SLC24A2: variants seen among roughly 807,000 people sequenced by gnomAD.
SLC24A2 encodes the protein solute carrier family 24 member 2, also known as sodium/potassium/calcium exchanger 2.
In SLC24A2, 36 loss-of-function variants were observed where a neutral mutation model predicts 62.0. The observed-to-expected ratio is 0.58, with a 90% CI of 0.44 to 0.77. The LOEUF (loss-of-function observed/expected upper bound fraction) is 0.77, where lower values mean the gene tolerates loss of function less well. Ranked by LOEUF, SLC24A2 falls within the 30% of genes least tolerant of loss-of-function variation. The probability of loss-of-function intolerance (pLI) is 0.00; values close to 1 mark genes in which losing one functional copy is unlikely to be tolerated. For synonymous variants in SLC24A2, 358 were observed against 294.0 expected, an observed-to-expected ratio of 1.22 and a Z score of -2.23; for missense variants, 846 against 817.9, an observed-to-expected ratio of 1.03 and a Z score of -0.42.
rs570986196 is a variant in SLC24A2 at position 19,535,207 on chromosome 9, G to T, written c.1480-7069C>A. On this transcript the variant is annotated intron_variant, in intron 8 of 10. Transcript: ENST00000341998. ...CCTTTGCCCACTTTTTGATGGGGTT[G>T]TTTTTTTCTTGTAAATTTAAGTTCT... is the stretch of plus-strand genomic sequence containing the variant. Among the ~76,000 whole-genome samples, 200 of 152,014 alleles carry T rather than the reference G, an allele frequency of 1.3e-3. 1 individual carries two copies. Among genetic ancestry groups the T allele is most frequent in the African/African-American group, 4.7e-3 (193 of 41,458 alleles).
chr9:19,721,457 G>C (rs1332241346), intron 2 of SLC24A2, among the ~76,000 whole-genome samples: 1 of 152,080 alleles, frequency 6.6e-6, no homozygotes, highest in East Asian at 1.9e-4. Flanking sequence ...CAAAAGAAGA[G>C]AAGACAGAAA....
the SLC24A2 span, among the ~76,000 whole-genome samples, chr9:20,167,422 A>C: frequency 6.6e-6 from 1 of 152,030 alleles, no homozygotes; most frequent in Non-Finnish European, 1.5e-5. Context: ...GGGGAAGGCA[A>C]GAAAGAATCC....
the SLC24A2 span, among the ~76,000 whole-genome samples, chr9:20,153,057 A>T: frequency 1.1e-4 from 16 of 152,050 alleles, no homozygotes; most frequent in South Asian, 3.3e-3. Flanking sequence ...AAAGCAACAC[A>T]TGCTTATACA....
chr9:19,930,885 T>C, the SLC24A2 span, among the ~76,000 whole-genome samples: 1 of 152,194 alleles, frequency 6.6e-6, no homozygotes, highest in African/African-American at 2.4e-5. Flanking sequence ...CCTGTGTTTA[T>C]TTTAAAGATT....
chr9:19,980,817 C>T, the SLC24A2 span, among the ~76,000 whole-genome samples: 2 of 152,096 alleles, frequency 1.3e-5, no homozygotes, highest in Admixed American at 6.6e-5. Flanking sequence ...AATGGGATAA[C>T]ATGTACATTC....
At chr9:19,743,488 C>T (rs1336388045) in intron 2 of SLC24A2, among the ~76,000 whole-genome samples, 2 of 152,024 alleles carry the variant, frequency 1.3e-5, no homozygotes, top group Non-Finnish European at 2.9e-5. Context: ...TTGCTATTGA[C>T]CTAGGTTAGG....
chr9:19,745,080 C>G (rs1821793516), intron 2 of SLC24A2, among the ~76,000 whole-genome samples: 1 of 152,110 alleles, frequency 6.6e-6, no homozygotes, highest in Admixed American at 6.6e-5. Flanking sequence ...TGGCTTAGTG[C>G]CATCCCTTTG....
the SLC24A2 span, among the ~76,000 whole-genome samples, chr9:19,884,363 T>A: frequency 6.6e-6 from 1 of 152,150 alleles, no homozygotes; most frequent in Non-Finnish European, 1.5e-5. Context: ...TGACAGCGTC[T>A]CATTCTGTGT....
chr9:20,174,850 G>T, the SLC24A2 span, among the ~76,000 whole-genome samples: 1 of 151,822 alleles, frequency 6.6e-6, no homozygotes, highest in African/African-American at 2.4e-5. Context: ...CCACTACTGG[G>T]TATCCACCTA....
At chr9:19,961,023 G>GT in the SLC24A2 span, among the ~76,000 whole-genome samples, 716 of 141,638 alleles carry the variant, frequency 5.1e-3, 4 homozygotes, top group East Asian at 0.011. Context: ...TAGAGGGGTG[G>GT]GTGTGTGTGT....
the SLC24A2 span, among the ~76,000 whole-genome samples, chr9:20,057,284 T>A: frequency 3.6e-3 from 551 of 152,350 alleles, 2 homozygotes; most frequent in Non-Finnish European, 4.5e-3. Flanking sequence ...TCTTTCTAAA[T>A]ATTAGTAACC....
the SLC24A2 span, among the ~76,000 whole-genome samples, chr9:20,100,953 T>C: frequency 6.6e-6 from 1 of 152,158 alleles, no homozygotes; most frequent in Non-Finnish European, 1.5e-5. Context: ...ACAACAGGTA[T>C]AAATACACAG....
At chr9:19,636,327 CTTTCTTTCTTTCTTT>C (rs1818337366) in intron 2 of SLC24A2, among the ~76,000 whole-genome samples, 2 of 20,738 alleles carry the variant, frequency 9.6e-5, no homozygotes, top group African/African-American at 2.1e-4. Context: ...TTCTTTCTTT[CTTTCTTTCTTTCTTT>C]CTTTCTTTCT....
chr9:19,675,815 G>C (rs536790225), intron 2 of SLC24A2, among the ~76,000 whole-genome samples: 1 of 152,160 alleles, frequency 6.6e-6, no homozygotes, highest in South Asian at 2.1e-4. Flanking sequence ...CTCCCCGCCT[G>C]CTGTGGCTTC....
the SLC24A2 span, among the ~76,000 whole-genome samples, chr9:19,955,877 C>T: frequency 6.6e-6 from 1 of 152,138 alleles, no homozygotes; most frequent in East Asian, 1.9e-4. Flanking sequence ...TTATCTGTAC[C>T]AAACCAGTAC....
chr9:20,232,698 G>C, the SLC24A2 span, among the ~76,000 whole-genome samples: 226 of 152,100 alleles, frequency 1.5e-3, 2 homozygotes, highest in African/African-American at 5.0e-3. Context: ...TCCTGGATTC[G>C]TTAATTTTTT....
chr9:20,150,993 C>G, the SLC24A2 span, among the ~76,000 whole-genome samples: 1 of 151,766 alleles, frequency 6.6e-6, no homozygotes, highest in Admixed American at 6.6e-5. Context: ...AAAAGTCATC[C>G]CAAACCAGCC....
the SLC24A2 span, among the ~76,000 whole-genome samples, chr9:19,973,996 A>G: frequency 6.6e-6 from 1 of 152,142 alleles, no homozygotes; most frequent in African/African-American, 2.4e-5. Context: ...TAAATTTGTG[A>G]TCTATTCACA....
At chr9:20,095,732 TA>T in the SLC24A2 span, among the ~76,000 whole-genome samples, 5 of 151,634 alleles carry the variant, frequency 3.3e-5, no homozygotes, top group African/African-American at 1.2e-4. Flanking sequence ...ATGCTGTTAA[TA>T]AAGATACCCA....
Sources: gnomAD v4.1 joint callset for allele counts (sites outside exome capture counted in the v4.1 genomes callset) on GRCh38, gnomAD v4.1.1 for gene constraint, MANE v1.5 for transcripts, NCBI Gene and HGNC (gene_info 2026-07-23, HGNC 2026-07-21) for gene names.